Variants in PATZ1 observed in about 807,000 individuals in gnomAD.
The protein encoded by PATZ1 is POZ/BTB and AT hook containing zinc finger 1, also known as POZ-, AT hook-, and zinc finger-containing protein 1.
Under a neutral mutation model 46.2 loss-of-function variants are expected in PATZ1, and 9 were observed. The ratio of observed to expected loss-of-function variants is 0.19; its 90% CI spans 0.12 to 0.34. The LOEUF (loss-of-function observed/expected upper bound fraction) is 0.34. Ranked by LOEUF, PATZ1 falls within the 10% of genes least tolerant of loss-of-function variation. The pLI is 1.00. For missense variants in PATZ1, 632 were observed against 923.0 expected (o/e 0.68, Z 4.08); for synonymous variants, 426 against 378.6 (o/e 1.13, Z -1.45).
rs765371361 is a variant in PATZ1 at position 31,328,751 on chromosome 22, G to A, written c.1645+36C>T. ...CCAGCGCCCCCACAACACAGTCTGC[G>A]CAGAGAAGCAAAGTGCAGAGCAAGG... On this transcript the variant is annotated intron_variant, in intron 4 of 4. Transcript: ENST00000266269. This position sits in a 1 kb window ranked among gnomAD's most constrained non-coding sequence, Gnocchi z 4.8. 47 of 1,603,388 alleles carry A rather than the reference G, an allele frequency of 2.9e-5. No homozygotes were observed. The highest frequency in any genetic ancestry group is 2.3e-4 in the South Asian group (21 of 90,818).
At position 31,346,095 on chromosome 22, in the gene PATZ1, A is replaced by AGCCGGGGCGGGGGC. The variant is rs1477916393; in HGVS notation, c.-507_-494dup. Reference sequence around the variant, plus strand: ...CGCGCTGCGTCCCCTGCAAAGCGCGAGCCGGGGCGGGGGCGCCGGAGCGGA... The same window carrying AGCCGGGGCGGGGGC: ...CGCGCTGCGTCCCCTGCAAAGCGCGAGCCGGGGCGGGGGCGCCGGGGCGGGGGCGCCGGAGCGGA... On this transcript the variant is annotated 5_prime_UTR_variant, in exon 1 of 5. Coordinates refer to ENST00000266269, the MANE Select transcript of PATZ1 (RefSeq NM_014323.3). 6.5e-6 allele frequency: 1 copy of AGCCGGGGCGGGGGC among 153,746 alleles called. No individual in the cohort carries two copies. Among genetic ancestry groups the AGCCGGGGCGGGGGC allele is most frequent in the East Asian group, 1.7e-4 (1 of 5,750 alleles). 9.5% of individuals were successfully genotyped at this position (153,746 alleles called of 1,614,324 possible).
intron 1 of PATZ1, chr22:31,343,485 G>C (rs751285022): frequency 6.4e-5 from 63 of 976,952 alleles, no homozygotes; most frequent in Non-Finnish European, 6.4e-5. Context: ...GCCTGAGCAG[G>C]TGGGCAGGGG....
chr22:31,344,203 T>A, intron 1 of PATZ1, 129 bp downstream of exon 1: 1 of 827,880 alleles, frequency 1.2e-6, no homozygotes, highest in East Asian at 2.5e-5. Flanking sequence ...AAAAACACTC[T>A]ACCCAAACCT....
At position 31,345,237 on chromosome 22, in the gene PATZ1, G is replaced by A. The variant is rs767265500; in HGVS notation, c.366C>T (p.Tyr122=). ...KVFGDILDFA[Y]TSRIVVRLES... ...CCAAGCGCACCACGATGCGGGAAGT[G>A]TAGGCGAAGTCCAGAATGTCCCCAA... The change falls in exon 1 of 5, where the codon TAC becomes TAT. Residue 122 remains tyrosine (Y), a synonymous_variant. Coordinates refer to ENST00000266269, the MANE Select transcript of PATZ1 (RefSeq NM_014323.3). This position sits in a 1 kb window ranked among gnomAD's most constrained non-coding sequence, Gnocchi z 7.4. The A allele has an allele frequency of 2.5e-6, 4 of 1,613,448 alleles. No individual in the cohort carries two copies. The highest frequency in any genetic ancestry group is 2.7e-5 in the African/African-American group (2 of 74,930).
rs753135036 is a variant in PATZ1 at position 31,326,860 on chromosome 22, T to C, written c.*31A>G. On this transcript the variant is annotated 3_prime_UTR_variant, in exon 5 of 5. Coordinates refer to ENST00000266269, the MANE Select transcript of PATZ1 (RefSeq NM_014323.3). ...ACAGCATTTCCCAGCAGTCCCCAGA[T>C]GGTTGTTTCCGTGGGGACACAGCAG... 1.3e-6 allele frequency: 2 copies of C among 1,573,638 alleles called. No individual in the cohort carries two copies. The highest frequency in any genetic ancestry group is 2.7e-5 in the African/African-American group (2 of 73,512).
At chr22:31,342,432 G>A (rs1173325701) in intron 2 of PATZ1, among the ~76,000 whole-genome samples, 3 of 152,048 alleles carry the variant, frequency 2.0e-5, no homozygotes, top group Non-Finnish European at 4.4e-5. Flanking sequence ...TAAGCTGAGG[G>A]GACCCAGGAG....
rs531925519 is a variant in PATZ1 at position 31,346,026 on chromosome 22, G to GGCGC, written c.-428_-425dup. ...AGGAGAAGGAGGGGTCCGCCGCGCA[G>GGCGC]GCGCGCGCGCGCGCCGCGGCTTTTC... On this transcript the variant is annotated 5_prime_UTR_variant, in exon 1 of 5. Coordinates refer to ENST00000266269, the MANE Select transcript of PATZ1 (RefSeq NM_014323.3). 3.4e-5 allele frequency: 6 copies of GGCGC among 174,026 alleles called. No homozygotes were observed. The South Asian group carries it at 5.4e-4, about 16-fold the overall frequency. 10.8% of individuals were successfully genotyped at this position (174,026 alleles called of 1,614,324 possible).
chr22:31,345,597 C>T lies in PATZ1; in HGVS notation c.6G>A (p.Glu2=). 3 of 1,588,938 alleles carry T rather than the reference C, an allele frequency of 1.9e-6. No individual in the cohort carries two copies. The highest frequency in any genetic ancestry group is 2.6e-6 in the Non-Finnish European group (3 of 1,162,720). The change falls in exon 1 of 5, where the codon GAG becomes GAA. Residue 2 remains glutamate (E), a synonymous_variant. Transcript: ENST00000266269. The surrounding 1 kb of genome is among the most constrained non-coding windows in gnomAD (Gnocchi z 7.4). The part of the protein sequence containing the change: M[E]RVNDASCGPS... The stretch of plus-strand genomic sequence containing the variant: ...GGCCGCACGAAGCGTCGTTCACCCG[C>T]TCCATGGCCGCCGCCCCCTCCCACT...
rs1403463151 is a variant in PATZ1 at position 31,345,334 on chromosome 22, G to T, written c.269C>A (p.Ala90Glu). The T allele has an allele frequency of 1.2e-6, 2 of 1,609,264 alleles. No homozygotes were observed. Among genetic ancestry groups the T allele is most frequent in the Admixed American group, 3.3e-5 (2 of 59,738 alleles). Residue 90 changes from alanine (A) to glutamate (E), a missense_variant, in exon 1 of 5, where the codon GCG becomes GAG. Physicochemically the swap from Ala to Glu is moderately radical, Grantham distance 107 (BLOSUM62 -1). This residue lies in a region of PATZ1 where 62 missense variants were observed against 67.9 expected (regional missense o/e 0.91). Transcript: ENST00000266269. This position sits in a 1 kb window ranked among gnomAD's most constrained non-coding sequence, Gnocchi z 7.4. ...GGCCCCGCCGCCTGGTGCTGCCGTCGCGCCCCCTACATCAGCCGGACCCCC... is the reference window on the plus strand; with the variant it reads ...GGCCCCGCCGCCTGGTGCTGCCGTCTCGCCCCCTACATCAGCCGGACCCCC... ...ADGGPADVGG[A>E]TAAPGGGAGG...
chr22:31,335,671 AGGAAACAGTG>A lies in PATZ1; in HGVS notation c.1507+11_1507+20del. The stretch of plus-strand genomic sequence containing the variant: ...CGCTCAGGCCCATCCTCTGGAAGTG[AGGAAACAGTG>A]GGCAGATTACCTCGGTTACAGATAC... On this transcript the variant is annotated intron_variant, in intron 3 of 4. Coordinates refer to ENST00000266269, the MANE Select transcript of PATZ1 (RefSeq NM_014323.3). 2 of 1,610,340 alleles carry A rather than the reference AGGAAACAGTG, an allele frequency of 1.2e-6. No individual in the cohort carries two copies. Among genetic ancestry groups the A allele is most frequent in the African/African-American group, 1.3e-5 (1 of 74,966 alleles).
Position 31,341,129 on chromosome 22 carries a change from T to G in PATZ1, c.1335+1768A>C, listed in dbSNP as rs903853883. The stretch of plus-strand genomic sequence containing the variant: ...GAAGGCACCAACCTCCAAAATCACC[T>G]AGGCAAGGACAGATGCCCAGGGGTG... On this transcript the variant is annotated intron_variant, in intron 2 of 4. Transcript: ENST00000266269. 5.2e-6 allele frequency: 6 copies of G among 1,153,626 alleles called. No homozygotes were observed. In the Middle Eastern group the frequency reaches 1.0e-3, roughly 201 times the overall value. The allele number at this position is 1,153,626 out of a possible 1,614,324, so 71.5% of individuals were successfully genotyped here. A position where few individuals can be genotyped will look rare whatever the true frequency, so the allele number is the denominator to read the frequency against.
chr22:31,338,431 T>C (rs1385596754), intron 2 of PATZ1, among the ~76,000 whole-genome samples: 1 of 152,178 alleles, frequency 6.6e-6, no homozygotes, highest in Admixed American at 6.5e-5. Flanking sequence ...GCAAGGAAAT[T>C]CCAGCATGTA....
Position 31,335,961 on chromosome 22 carries a change from C to A in PATZ1, c.1336-98G>T, listed in dbSNP as rs926144382. The A allele has an allele frequency of 3.8e-6, 4 of 1,062,094 alleles. No homozygotes were observed. The Admixed American group carries it at 8.4e-5, about 22-fold the overall frequency. 65.8% of individuals were successfully genotyped at this position (1,062,094 alleles called of 1,614,324 possible). Reference sequence around the variant, plus strand: ...TGAAGCAAAGGCAATTTCTGGCCATCACATGACCTCCCTTTATAAAGACAG... The same window carrying A: ...TGAAGCAAAGGCAATTTCTGGCCATAACATGACCTCCCTTTATAAAGACAG... On this transcript the variant is annotated intron_variant, in intron 2 of 4. Transcript: ENST00000266269.
At chr22:31,329,704 C>T (rs2049413721) in intron 3 of PATZ1, among the ~76,000 whole-genome samples, 1 of 152,170 alleles carries the variant, frequency 6.6e-6, no homozygotes, top group African/African-American at 2.4e-5. Flanking sequence ...TGGGACTGTT[C>T]CAGCCCACCT....
chr22:31,337,309 C>A (rs1035216760), intron 2 of PATZ1, among the ~76,000 whole-genome samples: 5 of 152,290 alleles, frequency 3.3e-5, no homozygotes, highest in Middle Eastern at 3.4e-3. Context: ...TCCAAGACAG[C>A]GTGGCTTTGG....
intron 1 of PATZ1, chr22:31,343,519 C>T: frequency 1.2e-6 from 1 of 816,258 alleles, no homozygotes; most frequent in Non-Finnish European, 1.5e-6. Flanking sequence ...AAGACTGGTT[C>T]CTGGTCGGGG....
In PATZ1 at chr22:31,335,774, C is replaced by T. The variant is rs2049501428; in HGVS notation, c.1425G>A (p.Lys475=). Residue 475 remains lysine (K), a synonymous_variant, in exon 3 of 5, where the codon AAG becomes AAA. Transcript: ENST00000266269. ...EDKVPCQVCG[K]YLRAAYMADH... ...CTGCCATGTATGCTGCCCGCAAGTA[C>T]TTCCCACACACCTGGCAGGGCACCT... 6.2e-7 allele frequency: 1 copy of T among 1,614,168 alleles called. No homozygotes were observed. Among genetic ancestry groups the T allele is most frequent in the Non-Finnish European group, 8.5e-7 (1 of 1,180,028 alleles).
chr22:31,336,326 T>C (rs1436550270), intron 2 of PATZ1, among the ~76,000 whole-genome samples: 1 of 152,240 alleles, frequency 6.6e-6, no homozygotes, highest in African/African-American at 2.4e-5. Flanking sequence ...AGAATTATAT[T>C]TGTTCATTTT....
In PATZ1 at chr22:31,328,701, G is replaced by T; in HGVS notation, c.1645+86C>A. 1.6e-6 allele frequency: 2 copies of T among 1,284,494 alleles called. No homozygotes were observed. Among genetic ancestry groups the T allele is most frequent in the Non-Finnish European group, 2.3e-6 (2 of 887,590 alleles). The allele number at this position is 1,284,494 out of a possible 1,614,324, so 79.6% of individuals were successfully genotyped here. ...CCTCAAGGCAGCCAGAAAGCCGGCA[G>T]CCTTCCCGCCTCCCCACGCCCAGCC... On this transcript the variant is annotated intron_variant, in intron 4 of 4. Coordinates refer to ENST00000266269, the MANE Select transcript of PATZ1 (RefSeq NM_014323.3). This position sits in a 1 kb window ranked among gnomAD's most constrained non-coding sequence, Gnocchi z 4.8.
Sources: gnomAD v4.1 joint callset for allele counts (sites outside exome capture counted in the v4.1 genomes callset) on GRCh38, gnomAD v4.1.1 for gene constraint, gnomAD v4.1.1 regional missense constraint, Gnocchi (gnomAD v3.1) non-coding constraint, MANE v1.5 for transcripts, NCBI Gene and HGNC (gene_info 2026-07-23, HGNC 2026-07-21) for gene names.